The following EYS variants were observed in gnomAD, a reference collection of about 807,000 sequenced individuals.
The protein encoded by EYS is protein eyes shut homolog.
EYS carries 250 observed loss-of-function variants against 282.1 expected under a neutral mutation model. The ratio of observed to expected loss-of-function variants is 0.89; its 90% CI spans 0.80 to 0.98. The LOEUF (loss-of-function observed/expected upper bound fraction) is 0.98. Among genes scored for constraint, EYS ranks in the 50% least tolerant of loss-of-function variants. The pLI is 0.00. For synonymous variants in EYS, 1,355 were observed against 1,282.9 expected (o/e 1.06, Z -1.20); for missense variants, 4,016 against 3,709.0 (o/e 1.08, Z -2.15).
In EYS at chr6:65,589,512, G is replaced by T. The variant is rs972110575; in HGVS notation, c.-333+50266C>A. On this transcript the variant is annotated intron_variant, in intron 2 of 42. Coordinates refer to ENST00000503581, the MANE Select transcript of EYS (RefSeq NM_001142800.2). ...CACACACTCACTACCTCTCTAGGTA[G>T]AAATGGTTGATTCTTATCTTGAATT... 3.9e-5 allele frequency among the ~76,000 whole-genome samples: 6 copies of T among 151,958 alleles called. No individual in the cohort carries two copies. In the South Asian group the frequency reaches 1.0e-3, roughly 26 times the overall value.
chr6:63,898,786 C>T (rs1258037925), intron 35 of EYS, among the ~76,000 whole-genome samples: 5 of 34,388 alleles, frequency 1.5e-4, no homozygotes, highest in African/African-American at 2.8e-4. Flanking sequence ...TAGTATTAAA[C>T]CTCAGAGAAA....
At chr6:65,379,307 T>C (rs1765521416) in intron 8 of EYS, among the ~76,000 whole-genome samples, 1 of 152,000 alleles carries the variant, frequency 6.6e-6, no homozygotes, top group South Asian at 2.1e-4. Flanking sequence ...CAAAGATAGT[T>C]CAACATATGC....
chr6:64,813,336 C>CTAAATATATATTTACCCACAAGTAAG, intron 22 of EYS, 42 bp downstream of exon 22: 1 of 1,473,440 alleles, frequency 6.8e-7, no homozygotes, highest in Non-Finnish European at 9.1e-7. Context: ...ATAAGCTCTC[C>CTAAATATATATTTACCCACAAGTAAG]TAAATATATA....
At chr6:65,364,550 ACTT>A (rs1326707829) in intron 8 of EYS, among the ~76,000 whole-genome samples, 3 of 151,508 alleles carry the variant, frequency 2.0e-5, no homozygotes, top group Non-Finnish European at 2.9e-5. Flanking sequence ...AAATATTAAG[ACTT>A]CTTATGATAT....
Position 65,005,397 on chromosome 6 carries a change from C to A in EYS, c.2138-7694G>T, listed in dbSNP as rs191979816. On this transcript the variant is annotated intron_variant, in intron 13 of 42. Coordinates refer to ENST00000503581, the MANE Select transcript of EYS (RefSeq NM_001142800.2). ...ATTCCATTCCTCGGAATCCGTGAGG[C>A]CAAGAGCCCCAGGTCAGAGAACACA... Among the ~76,000 whole-genome samples, 39 of 147,624 alleles carry A rather than the reference C, an allele frequency of 2.6e-4. 2 individuals carry two copies. Among genetic ancestry groups the A allele is most frequent in the African/African-American group, 8.0e-4 (33 of 41,272 alleles).
intron 40 of EYS, among the ~76,000 whole-genome samples, chr6:63,768,907 C>A (rs187062511): frequency 5.3e-4 from 81 of 152,144 alleles, no homozygotes; most frequent in Middle Eastern, 3.4e-3. Flanking sequence ...AAAATGAAAT[C>A]ATGTCCTTTG....
intron 18 of EYS, among the ~76,000 whole-genome samples, chr6:64,901,294 GTATATATA>G (rs70999177): frequency 0.1 from 12,968 of 127,732 alleles, 831 homozygotes; most frequent in African/African-American, 0.18. Flanking sequence ...ATGTAGTTGA[GTATATATA>G]TATATATATA....
intron 22 of EYS, among the ~76,000 whole-genome samples, chr6:64,761,081 ACT>A (rs1773141486): frequency 6.6e-6 from 1 of 152,166 alleles, no homozygotes; most frequent in African/African-American, 2.4e-5. Flanking sequence ...GGGTTTCGTA[ACT>A]CTACTTGAAT....
intron 5 of EYS, among the ~76,000 whole-genome samples, chr6:65,482,879 A>G (rs1765656377): frequency 6.6e-6 from 1 of 152,214 alleles, no homozygotes; most frequent in African/African-American, 2.4e-5. Context: ...AGTGAAACTA[A>G]AAACAGTTTA....
Position 64,821,560 on chromosome 6 carries a change from G to T in EYS, c.3243+85C>A, listed in dbSNP as rs1253642637. The T allele has an allele frequency of 7.5e-6, 5 of 667,368 alleles. No homozygotes were observed. In the Admixed American group the frequency reaches 9.2e-5, roughly 12 times the overall value. 41.3% of individuals were successfully genotyped at this position (667,368 alleles called of 1,614,324 possible). A position where few individuals can be genotyped will look rare whatever the true frequency, so the allele number is the denominator to read the frequency against. ...AATCATCAACAACTGTGGAAGAAAT[G>T]ACTCTGAAACCTACAGCAAGCAATT... is the stretch of plus-strand genomic sequence containing the variant. On this transcript the variant is annotated intron_variant, in intron 21 of 42. Coordinates refer to ENST00000503581, the MANE Select transcript of EYS (RefSeq NM_001142800.2).
intron 12 of EYS, among the ~76,000 whole-genome samples, chr6:65,149,264 C>A (rs1764554558): frequency 6.6e-6 from 1 of 152,076 alleles, no homozygotes; most frequent in African/African-American, 2.4e-5. Flanking sequence ...TTAGAAATTT[C>A]TTCCACCAGA....
At chr6:65,288,967 A>T (rs2150281445) in intron 12 of EYS, among the ~76,000 whole-genome samples, 1 of 151,188 alleles carries the variant, frequency 6.6e-6, no homozygotes, top group South Asian at 2.1e-4. Flanking sequence ...GAAATTGGAC[A>T]GACAAAATAA....
At chr6:64,837,126 T>A (rs543464752) in intron 19 of EYS, among the ~76,000 whole-genome samples, 48 of 151,860 alleles carry the variant, frequency 3.2e-4, no homozygotes, top group African/African-American at 1.1e-3. Context: ...ATTGTTATTG[T>A]TCACTTTTTG....
intron 12 of EYS, among the ~76,000 whole-genome samples, chr6:65,245,903 T>A (rs1490218748): frequency 6.6e-6 from 1 of 152,052 alleles, no homozygotes; most frequent in East Asian, 1.9e-4. Context: ...AACAATATAA[T>A]TTAGTTTATT....
At chr6:64,271,024 T>C (rs1767926806) in intron 30 of EYS, among the ~76,000 whole-genome samples, 1 of 152,216 alleles carries the variant, frequency 6.6e-6, no homozygotes, top group African/African-American at 2.4e-5. Context: ...TGAATTACTC[T>C]ATAATATTGT....
At chr6:65,052,797 G>C (rs1773311906) in intron 13 of EYS, among the ~76,000 whole-genome samples, 1 of 151,620 alleles carries the variant, frequency 6.6e-6, no homozygotes, top group African/African-American at 2.4e-5. Flanking sequence ...TATTTGCTAA[G>C]TTCAGTTTCT....
intron 12 of EYS, among the ~76,000 whole-genome samples, chr6:65,082,530 A>G (rs1774255690): frequency 6.6e-6 from 1 of 152,100 alleles, no homozygotes; most frequent in African/African-American, 2.4e-5. Flanking sequence ...AGCAAAAATC[A>G]TAACATACTC....
At chr6:65,679,969 G>C (rs1768759436) in intron 1 of EYS, among the ~76,000 whole-genome samples, 2 of 151,696 alleles carry the variant, frequency 1.3e-5, no homozygotes, top group African/African-American at 4.8e-5. Flanking sequence ...TATGGTGGAT[G>C]GTACACAGGA....
chr6:64,992,983 C>A (rs1225132295), intron 14 of EYS, among the ~76,000 whole-genome samples: 4 of 151,960 alleles, frequency 2.6e-5, no homozygotes, highest in Non-Finnish European at 4.4e-5. Context: ...CAGAGAAGGT[C>A]CTGGGAGCCA....
Sources: allele counts gnomAD v4.1 joint callset (sites outside exome capture counted in the v4.1 genomes callset), GRCh38; gene constraint gnomAD v4.1.1; transcripts MANE v1.5; gene names NCBI Gene and HGNC (gene_info 2026-07-23, HGNC 2026-07-21).